XKR9: variants seen among roughly 807,000 people sequenced by gnomAD.
XKR9 encodes the protein XK-related protein 9.
A neutral mutation model predicts 32.0 loss-of-function variants in XKR9; 32 were observed. That is an observed-to-expected ratio of 1.00 (90% confidence interval 0.76 to 1.34). The LOEUF is 1.34. XKR9 is among the 40% of genes most tolerant of loss of function. The probability of loss-of-function intolerance (pLI) is 0.00; values close to 1 mark genes in which losing one functional copy is unlikely to be tolerated. For missense variants in XKR9, 546 were observed against 429.7 expected (o/e 1.27, Z -2.39); for synonymous variants, 168 against 143.4 (o/e 1.17, Z -1.22).
chr8:70,990,732 T>TG, the XKR9 span, among the ~76,000 whole-genome samples: 2 of 88,844 alleles, frequency 2.3e-5, no homozygotes, highest in Non-Finnish European at 4.5e-5. Flanking sequence ...TTTGGCAGAA[T>TG]AAGAGAGAGA....
chr8:71,032,281 C>CAA, the XKR9 span, among the ~76,000 whole-genome samples: 3,519 of 73,080 alleles, frequency 0.048, 332 homozygotes, highest in African/African-American at 0.079. Flanking sequence ...GAGACTCTGT[C>CAA]AAAAAAAAAA....
intron 2 of XKR9, among the ~76,000 whole-genome samples, chr8:70,775,645 C>T (rs1807508114): frequency 1.3e-5 from 2 of 152,052 alleles, no homozygotes; most frequent in Admixed American, 6.6e-5. Flanking sequence ...GAGAAAACCA[C>T]ACTTGGACAT....
At chr8:70,961,497 T>A in the XKR9 span, among the ~76,000 whole-genome samples, 1 of 152,210 alleles carries the variant, frequency 6.6e-6, no homozygotes, top group Non-Finnish European at 1.5e-5. Flanking sequence ...CTATGACCTC[T>A]ATATTCCAAA....
chr8:70,815,397 C>T, the XKR9 span, among the ~76,000 whole-genome samples: 2 of 152,108 alleles, frequency 1.3e-5, no homozygotes, highest in Admixed American at 1.3e-4. Context: ...CATTTAGCTC[C>T]CACTTACAAG....
chr8:70,960,782 G>A, the XKR9 span, among the ~76,000 whole-genome samples: 19 of 152,048 alleles, frequency 1.2e-4, no homozygotes, highest in Admixed American at 1.2e-3. Context: ...TGAGGCAGGA[G>A]GATCCCTTGA....
At chr8:70,809,706 C>G in the XKR9 span, among the ~76,000 whole-genome samples, 1 of 151,716 alleles carries the variant, frequency 6.6e-6, no homozygotes, top group East Asian at 1.9e-4. Flanking sequence ...GATGGAAGAT[C>G]AAATGAATGA....
At chr8:71,042,017 A>G in the XKR9 span, among the ~76,000 whole-genome samples, 3 of 152,064 alleles carry the variant, frequency 2.0e-5, no homozygotes, top group African/African-American at 7.2e-5. Flanking sequence ...CCTATATCGG[A>G]TGCCATAGCA....
At chr8:71,047,786 C>T in the XKR9 span, among the ~76,000 whole-genome samples, 1 of 152,136 alleles carries the variant, frequency 6.6e-6, no homozygotes, top group Non-Finnish European at 1.5e-5. Flanking sequence ...TAAATGTGTG[C>T]GAGTGACTGG....
At chr8:70,799,505 G>T in the XKR9 span, among the ~76,000 whole-genome samples, 1 of 151,808 alleles carries the variant, frequency 6.6e-6, no homozygotes, top group Non-Finnish European at 1.5e-5. Flanking sequence ...TAATTTTTTT[G>T]TATTTTAGTA....
chr8:71,015,010 A>T, the XKR9 span, among the ~76,000 whole-genome samples: 1 of 152,194 alleles, frequency 6.6e-6, no homozygotes, highest in Non-Finnish European at 1.5e-5. Flanking sequence ...ATGCCACATG[A>T]TCTACTTTGT....
the XKR9 span, among the ~76,000 whole-genome samples, chr8:70,928,742 G>A: frequency 6.6e-6 from 1 of 152,156 alleles, no homozygotes; most frequent in Non-Finnish European, 1.5e-5. Flanking sequence ...AGACTCCAAA[G>A]TTAGTCCCAG....
At chr8:70,710,724 A>G (rs1805887013) in intron 4 of XKR9, among the ~76,000 whole-genome samples, 1 of 151,848 alleles carries the variant, frequency 6.6e-6, no homozygotes, top group South Asian at 2.1e-4. Context: ...AACAACAACA[A>G]AAACAAATAA....
intron 2 of XKR9, among the ~76,000 whole-genome samples, chr8:70,756,243 C>T (rs546830107): frequency 6.6e-6 from 1 of 152,282 alleles, no homozygotes; most frequent in African/African-American, 2.4e-5. Flanking sequence ...GTTCTTTTGT[C>T]AGTACTACAC....
At chr8:70,863,928 C>T in the XKR9 span, among the ~76,000 whole-genome samples, 32 of 152,210 alleles carry the variant, frequency 2.1e-4, no homozygotes, top group African/African-American at 7.0e-4. Flanking sequence ...CATAATGATG[C>T]CTTTTTATGC....
intron 2 of XKR9, among the ~76,000 whole-genome samples, chr8:70,748,064 T>G (rs938328378): frequency 3.3e-5 from 5 of 152,228 alleles, no homozygotes; most frequent in African/African-American, 1.2e-4. Context: ...TTTGTAAAAT[T>G]ACTTCCACAT....
downstream of XKR9, among the ~76,000 whole-genome samples, chr8:70,794,829 G>A (rs569094810): frequency 1.3e-5 from 2 of 151,438 alleles, no homozygotes; most frequent in African/African-American, 4.9e-5. Context: ...TCTTTTGTGT[G>A]TGTGTGTGTG....
chr8:70,866,004 A>T, the XKR9 span, among the ~76,000 whole-genome samples: 86 of 152,208 alleles, frequency 5.7e-4, no homozygotes, highest in Non-Finnish European at 1.1e-3. Context: ...TTACTCTGTA[A>T]TATACCTTGA....
the XKR9 span, among the ~76,000 whole-genome samples, chr8:70,883,779 A>G: frequency 6.6e-6 from 1 of 152,056 alleles, no homozygotes; most frequent in Non-Finnish European, 1.5e-5. Context: ...TTTTCCATTC[A>G]CCTGTTGAAG....
chr8:70,840,186 C>T, the XKR9 span, among the ~76,000 whole-genome samples: 1 of 152,134 alleles, frequency 6.6e-6, no homozygotes, highest in African/African-American at 2.4e-5. Context: ...CTGGCCTTGG[C>T]CTAGTGGTAG....
Sources: gnomAD v4.1 joint callset for allele counts (sites outside exome capture counted in the v4.1 genomes callset) on GRCh38, gnomAD v4.1.1 for gene constraint, MANE v1.5 for transcripts, NCBI Gene and HGNC (gene_info 2026-07-23, HGNC 2026-07-21) for gene names.